Variants in AGTPBP1 observed in about 807,000 individuals in gnomAD.
AGTPBP1 encodes ATP/GTP binding carboxypeptidase 1, also known as cytosolic carboxypeptidase 1.
In AGTPBP1, 70 loss-of-function variants were observed where a neutral mutation model predicts 143.9. The ratio of observed to expected loss-of-function variants is 0.49; its 90% confidence interval spans 0.40 to 0.59. AGTPBP1 has a LOEUF of 0.59. Ranked by LOEUF, AGTPBP1 falls within the 20% of genes least tolerant of loss-of-function variation. The probability of loss-of-function intolerance (pLI) is 0.00; values close to 1 mark genes in which losing one functional copy is unlikely to be tolerated. For missense variants in AGTPBP1, 1,229 were observed against 1,464.5 expected (o/e 0.84, Z 2.62); for synonymous variants, 463 against 500.2 (o/e 0.93, Z 0.99).
Position 85,588,359 on chromosome 9 carries a change from G to A in AGTPBP1, c.2842C>T (p.Arg948Ter), listed in dbSNP as rs943824159. 4 of 1,611,434 alleles carry A rather than the reference G, an allele frequency of 2.5e-6. No individual in the cohort carries two copies. The highest frequency in any genetic ancestry group is 2.7e-5 in the African/African-American group (2 of 74,738). The change falls in exon 21 of 26, where the codon CGA becomes TGA. Residue 948 changes from arginine (R) to a stop codon, truncating the protein, a stop_gained. Transcript: ENST00000357081. LOFTEE classifies it high-confidence loss of function. ...ACAATTTTAAAAATATAAGATTCTCGTAAGCTCTGAGCAGTGGGGTTATTG... is the reference window on the plus strand; with the variant it reads ...ACAATTTTAAAAATATAAGATTCTCATAAGCTCTGAGCAGTGGGGTTATTG... ...MSNNPTAQSL[R>*]ESYIFKIVPM...
At chr9:85,678,512 C>A in intron 4 of AGTPBP1, 114 bp from the exon 5 acceptor site, 1 of 554,924 alleles carries the variant, frequency 1.8e-6, no homozygotes, top group Middle Eastern at 4.9e-4. Flanking sequence ...TCTCTAGGAA[C>A]AAAGGTATTC....
At chr9:85,746,239 C>T (rs999905387), upstream of AGTPBP1, among the ~76,000 whole-genome samples, 14 of 152,148 alleles carry the variant, frequency 9.2e-5, no homozygotes, top group African/African-American at 2.9e-4. Context: ...CACTGCCTCA[C>T]CCCCTCTGTG....
At chr9:85,751,317 A>T in the AGTPBP1 span, among the ~76,000 whole-genome samples, 1 of 152,182 alleles carries the variant, frequency 6.6e-6, no homozygotes, top group East Asian at 1.9e-4. Context: ...TTTTGTTATA[A>T]ATTTGTCACA....
intron 15 of AGTPBP1, among the ~76,000 whole-genome samples, chr9:85,619,764 A>C (rs186628991): frequency 6.2e-4 from 95 of 152,290 alleles, no homozygotes; most frequent in African/African-American, 2.2e-3. Context: ...TTAAATAAGC[A>C]TTTACCATGT....
chr9:85,657,545 G>A lies in AGTPBP1; in HGVS notation c.799C>T (p.Leu267Phe), dbSNP rs1833600682. The change falls in exon 10 of 26, where the codon CTC (leucine) becomes TTC (phenylalanine). Residue 267 changes from leucine to phenylalanine, a missense_variant. Around this residue, in one of 2 missense-constraint regions of AGTPBP1, gnomAD observed 743 missense variants for 812.2 expected, o/e 0.91. Transcript: ENST00000357081. Reference protein sequence around the residue: ...HRHDNRHRNMLIRKGILQSLK... With the variant: ...HRHDNRHRNMFIRKGILQSLK... ...CTCTGTAAAATTCCTTTCCGAATGA[G>A]CATGTTTCTATGCCGGTTATCATGG... 6.2e-7 allele frequency: 1 copy of A among 1,613,782 alleles called. No homozygotes were observed. The highest frequency in any genetic ancestry group is 1.3e-5 in the African/African-American group (1 of 74,914).
the AGTPBP1 span, chr9:85,770,631 T>C: frequency 1.8e-6 from 1 of 568,318 alleles, no homozygotes; most frequent in Non-Finnish European, 3.1e-6. Flanking sequence ...TGATTTCTCT[T>C]TATAGAACTA....
chr9:85,670,853 C>G (rs1021280743), intron 7 of AGTPBP1, among the ~76,000 whole-genome samples: 1 of 152,158 alleles, frequency 6.6e-6, no homozygotes, highest in Non-Finnish European at 1.5e-5. Flanking sequence ...GTTATCCCTT[C>G]TAATTTCATG....
intron 17 of AGTPBP1, among the ~76,000 whole-genome samples, chr9:85,612,185 A>G (rs746512568): frequency 2.0e-5 from 3 of 152,148 alleles, no homozygotes; most frequent in Non-Finnish European, 4.4e-5. Flanking sequence ...AACAACTTCT[A>G]TTCTAATGAG....
At chr9:85,776,702 A>G in the AGTPBP1 span, among the ~76,000 whole-genome samples, 2 of 152,214 alleles carry the variant, frequency 1.3e-5, no homozygotes, top group Non-Finnish European at 2.9e-5. Context: ...CAAAGTGTCC[A>G]GGTGGCAATC....
chr9:85,549,698 T>C (rs997116873), intron 25 of AGTPBP1, among the ~76,000 whole-genome samples: 1 of 152,192 alleles, frequency 6.6e-6, no homozygotes, highest in African/African-American at 2.4e-5. Context: ...CAGGAAGGAA[T>C]CTTAGAGCAA....
At chr9:85,614,232 T>C (rs1002093432) in intron 17 of AGTPBP1, among the ~76,000 whole-genome samples, 7 of 151,894 alleles carry the variant, frequency 4.6e-5, no homozygotes, top group African/African-American at 1.7e-4. Flanking sequence ...ACACACAATA[T>C]AGCTATGAAT....
At chr9:85,616,946 T>G (rs1238434235) in intron 17 of AGTPBP1, among the ~76,000 whole-genome samples, 1 of 152,042 alleles carries the variant, frequency 6.6e-6, no homozygotes, top group Non-Finnish European at 1.5e-5. Context: ...GAATAAACAC[T>G]TAAAAATTAG....
chr9:85,653,900 C>T (rs1401070266), intron 11 of AGTPBP1, among the ~76,000 whole-genome samples: 3 of 152,176 alleles, frequency 2.0e-5, no homozygotes, highest in Admixed American at 2.0e-4. Context: ...TGGACCACTG[C>T]TTTTACTTAG....
chr9:85,590,453 G>A lies in AGTPBP1; in HGVS notation c.2569-772C>T, dbSNP rs144812343. Among the ~76,000 whole-genome samples, 536 of 152,080 alleles carry A rather than the reference G, an allele frequency of 3.5e-3. 4 individuals carry two copies. The highest frequency in any genetic ancestry group is 0.011 in the African/African-American group (457 of 41,490). On this transcript the variant is annotated intron_variant, in intron 19 of 25. Transcript: ENST00000357081. The stretch of plus-strand genomic sequence containing the variant: ...ACAAGTTTTAATGGTCTTATTATGT[G>A]GTTATACCAAAAATAAATTGTTCAA...
chr9:85,620,243 C>T (rs1830840215), intron 15 of AGTPBP1, among the ~76,000 whole-genome samples: 1 of 151,984 alleles, frequency 6.6e-6, no homozygotes, highest in African/African-American at 2.4e-5. Context: ...AAAACTCCGT[C>T]TCTACTAAAA....
Position 85,722,382 on chromosome 9 carries a change from T to C in AGTPBP1, c.-33-9816A>G, listed in dbSNP as rs558428129. 2.6e-5 allele frequency among the ~76,000 whole-genome samples: 4 copies of C among 152,346 alleles called. No homozygotes were observed. The East Asian group carries it at 7.7e-4, about 29-fold the overall frequency. ...CTTTCTTCGTTTCTTTTCACTCTTTTTTCTCTAATCTTGTCTTCTTGCTTT... is the reference window on the plus strand; with the variant it reads ...CTTTCTTCGTTTCTTTTCACTCTTTCTTCTCTAATCTTGTCTTCTTGCTTT... On this transcript the variant is annotated intron_variant, in intron 1 of 25. Coordinates refer to ENST00000357081, the MANE Select transcript of AGTPBP1 (RefSeq NM_001330701.2).
intron 20 of AGTPBP1, among the ~76,000 whole-genome samples, chr9:85,589,161 T>C (rs761529632): frequency 2.1e-4 from 32 of 152,240 alleles, no homozygotes; most frequent in Non-Finnish European, 3.4e-4. Flanking sequence ...ACCAAAACAA[T>C]TGATAGGTTT....
chr9:85,714,050 T>TAG (rs1327668056), intron 1 of AGTPBP1, among the ~76,000 whole-genome samples: 13 of 152,204 alleles, frequency 8.5e-5, no homozygotes, highest in African/African-American at 3.1e-4. Flanking sequence ...CTAGAGTTGA[T>TAG]AGAGTTGAAA....
At chr9:85,632,562 A>T in intron 14 of AGTPBP1, 100 bp downstream of exon 14, 2 of 1,024,256 alleles carry the variant, frequency 2.0e-6, no homozygotes, top group Non-Finnish European at 1.4e-6. Context: ...CTTATAACTC[A>T]CAGTAATTAT....
Sources: gnomAD v4.1 joint callset for allele counts (sites outside exome capture counted in the v4.1 genomes callset) on GRCh38, gnomAD v4.1.1 for gene constraint, gnomAD v4.1.1 regional missense constraint, MANE v1.5 for transcripts, NCBI Gene and HGNC (gene_info 2026-07-23, HGNC 2026-07-21) for gene names.